Variants in CMSS1 observed in about 807,000 individuals in gnomAD.
The protein encoded by CMSS1 is protein CMSS1.
In CMSS1, 33 loss-of-function variants were observed where a neutral mutation model predicts 43.5. The ratio of observed to expected loss-of-function variants is 0.76; its 90% confidence interval spans 0.57 to 1.01. CMSS1 has a LOEUF of 1.01. Ranked by LOEUF, CMSS1 falls within the 50% of genes least tolerant of loss-of-function variation. The probability of loss-of-function intolerance (pLI) is 0.00; values close to 1 mark genes in which losing one functional copy is unlikely to be tolerated. For synonymous variants in CMSS1, 115 were observed against 117.2 expected, an observed-to-expected ratio of 0.98 and a Z score of 0.12; for missense variants, 313 against 326.4, an observed-to-expected ratio of 0.96 and a Z score of 0.32.
chr3:99,905,509 T>C (rs866682082), intron 1 of CMSS1, among the ~76,000 whole-genome samples: 2 of 152,250 alleles, frequency 1.3e-5, no homozygotes, highest in African/African-American at 4.8e-5. Context: ...TTACATCTTA[T>C]AGCATAATCA....
chr3:99,950,252 A>G (rs538477627), intron 1 of CMSS1, among the ~76,000 whole-genome samples: 11 of 152,332 alleles, frequency 7.2e-5, no homozygotes, highest in African/African-American at 2.6e-4. Context: ...TGTATCGGAA[A>G]TAGACTATAT....
At chr3:99,881,525 ATC>A (rs376739497) in intron 1 of CMSS1, among the ~76,000 whole-genome samples, 66 of 148,128 alleles carry the variant, frequency 4.5e-4, no homozygotes, top group Non-Finnish European at 8.9e-4. Flanking sequence ...TTTGTAGCCC[ATC>A]TCTCTCTCTC....
intron 1 of CMSS1, among the ~76,000 whole-genome samples, chr3:99,999,749 G>C (rs1387568442): frequency 6.6e-6 from 1 of 152,100 alleles, no homozygotes; most frequent in Non-Finnish European, 1.5e-5. Flanking sequence ...TGTTTCTCAT[G>C]GTCTCTTGCT....
chr3:100,024,683 C>G (rs554741918), intron 1 of CMSS1, among the ~76,000 whole-genome samples: 48 of 152,254 alleles, frequency 3.2e-4, no homozygotes, highest in African/African-American at 1.2e-3. Context: ...AGTGAGTGAC[C>G]TTCTAGCCTC....
At chr3:100,079,791 A>T (rs1015077880) in intron 1 of CMSS1, among the ~76,000 whole-genome samples, 1 of 152,086 alleles carries the variant, frequency 6.6e-6, no homozygotes, top group Non-Finnish European at 1.5e-5. Context: ...TACAATTTCT[A>T]TGCCTCATTA....
At chr3:100,030,063 G>C (rs893236819) in intron 1 of CMSS1, among the ~76,000 whole-genome samples, 2 of 152,128 alleles carry the variant, frequency 1.3e-5, no homozygotes, top group African/African-American at 2.4e-5. Context: ...ATCAGAACTG[G>C]AAAGGACCTT....
intron 1 of CMSS1, among the ~76,000 whole-genome samples, chr3:100,060,903 C>T (rs189362469): frequency 3.2e-4 from 48 of 152,194 alleles, no homozygotes; most frequent in African/African-American, 1.2e-3. Context: ...TCTCTTTGAG[C>T]CATACAGATC....
intron 1 of CMSS1, among the ~76,000 whole-genome samples, chr3:99,939,963 T>G (rs1266159430): frequency 6.6e-6 from 1 of 152,232 alleles, no homozygotes; most frequent in Non-Finnish European, 1.5e-5. Flanking sequence ...TTTCTTGTTT[T>G]CTACGTGCTG....
chr3:100,125,252 T>G (rs2066654243), intron 1 of CMSS1, among the ~76,000 whole-genome samples: 2 of 152,208 alleles, frequency 1.3e-5, no homozygotes, highest in South Asian at 4.1e-4. Context: ...CTCAATTTCT[T>G]CAGTCATCTT....
chr3:99,889,921 A>C (rs963019782), intron 1 of CMSS1, among the ~76,000 whole-genome samples: 1 of 152,100 alleles, frequency 6.6e-6, no homozygotes, highest in Non-Finnish European at 1.5e-5. Flanking sequence ...ATTATAATCT[A>C]TTATTGTTCT....
rs148424491 is a variant in CMSS1, at chr3:99,893,014, A to G, written c.64+74971A>G. Reference sequence around the variant, plus strand: ...AAGTGATCAGGACAGTGACTGGAGGAGGAGTGGCAATGCCTTGCTAAGATG... The same window carrying G: ...AAGTGATCAGGACAGTGACTGGAGGGGGAGTGGCAATGCCTTGCTAAGATG... On this transcript the variant is annotated intron_variant, in intron 1 of 9. Coordinates refer to ENST00000421999, the MANE Select transcript of CMSS1 (RefSeq NM_032359.4). 4.5e-3 allele frequency among the ~76,000 whole-genome samples: 690 copies of G among 152,276 alleles called. 7 individuals are homozygous for G. Among genetic ancestry groups the G allele is most frequent in the African/African-American group, 0.016 (676 of 41,554 alleles).
intron 1 of CMSS1, among the ~76,000 whole-genome samples, chr3:100,017,030 T>C (rs1166703666): frequency 6.6e-6 from 1 of 152,218 alleles, no homozygotes; most frequent in African/African-American, 2.4e-5. Context: ...TTGTTAGTTT[T>C]TCAAATTCAC....
chr3:99,855,325 G>T (rs919888994), intron 1 of CMSS1, among the ~76,000 whole-genome samples: 50 of 152,086 alleles, frequency 3.3e-4, no homozygotes, highest in African/African-American at 1.1e-3. Flanking sequence ...TGCAAAAAGG[G>T]CGTTAAATGA....
chr3:100,001,580 T>A (rs1391548205), intron 1 of CMSS1, among the ~76,000 whole-genome samples: 1 of 152,142 alleles, frequency 6.6e-6, no homozygotes, highest in Non-Finnish European at 1.5e-5. Flanking sequence ...GCCAGAACAT[T>A]GTTAAATGAC....
chr3:100,117,878 T>TATATACAC (rs1357671856), intron 1 of CMSS1, among the ~76,000 whole-genome samples: 13 of 129,082 alleles, frequency 1.0e-4, no homozygotes, highest in African/African-American at 4.1e-4. Context: ...TATATATATA[T>TATATACAC]ACACATACAA....
At chr3:100,094,372 A>G (rs989600762) in intron 1 of CMSS1, among the ~76,000 whole-genome samples, 6 of 152,238 alleles carry the variant, frequency 3.9e-5, no homozygotes, top group Admixed American at 1.3e-4. Flanking sequence ...TTCTCCCAAT[A>G]TCAAGATATT....
intron 1 of CMSS1, among the ~76,000 whole-genome samples, chr3:99,883,421 C>T (rs1705793460): frequency 6.6e-6 from 1 of 152,162 alleles, no homozygotes; most frequent in Non-Finnish European, 1.5e-5. Context: ...CACCCTGTGT[C>T]CAAAAGGTTG....
At chr3:99,968,599 G>A (rs1708724631) in intron 1 of CMSS1, among the ~76,000 whole-genome samples, 1 of 152,104 alleles carries the variant, frequency 6.6e-6, no homozygotes, top group African/African-American at 2.4e-5. Flanking sequence ...AATTGCACAA[G>A]GAGAATATAT....
At chr3:99,936,334 T>C (rs913122207) in intron 1 of CMSS1, among the ~76,000 whole-genome samples, 15 of 150,038 alleles carry the variant, frequency 1.0e-4, no homozygotes, top group African/African-American at 3.7e-4. Flanking sequence ...GATTAACTCA[T>C]TTATTTTGCA....
Sources: allele counts gnomAD v4.1 joint callset (sites outside exome capture counted in the v4.1 genomes callset), GRCh38; gene constraint gnomAD v4.1.1; transcripts MANE v1.5; gene names NCBI Gene and HGNC (gene_info 2026-07-23, HGNC 2026-07-21).